PADI6: variants seen among roughly 807,000 people sequenced by gnomAD.
PADI6 encodes peptidyl arginine deiminase 6.
A neutral mutation model predicts 78.2 loss-of-function variants in PADI6; 66 were observed. The observed-to-expected ratio is 0.84, with a 90% CI of 0.69 to 1.04. The LOEUF is 1.04. Ranked by LOEUF, PADI6 falls within the 50% of genes least tolerant of loss-of-function variation. The pLI, the probability that PADI6 is intolerant of heterozygous loss-of-function variation, is 0.00. For missense variants in PADI6, 854 were observed against 866.1 expected (o/e 0.99, Z 0.18); for synonymous variants, 397 against 346.9 (o/e 1.14, Z -1.60).
rs1206227116 is a variant in PADI6 at position 17,394,062 on chromosome 1, T to C, written c.1162T>C (p.Phe388Leu). ...ACCTCAGGCCGCCGATCTCGATGAG[T>C]TCCCCATGAAGTACTCACTGGTGTG... ...DTPQAADLDEFPMKYSLSPGI... is the reference protein window; with the variant it reads ...DTPQAADLDELPMKYSLSPGI... Residue 388 changes from phenylalanine (F) to leucine (L), a missense_variant, in exon 10 of 16, where the codon TTC becomes CTC. Phe to Leu is a conservative substitution (Grantham distance 22). Transcript: ENST00000619609. The C allele has an allele frequency of 6.2e-7, 1 of 1,613,782 alleles. No individual in the cohort carries two copies. Among genetic ancestry groups the C allele is most frequent in the South Asian group, 1.1e-5 (1 of 91,068 alleles).
intron 6 of PADI6, among the ~76,000 whole-genome samples, chr1:17,383,943 G>A (rs1469159309): frequency 1.3e-5 from 2 of 152,174 alleles, no homozygotes; most frequent in African/African-American, 2.4e-5. Context: ...GAGGTCAGGA[G>A]TTCGAGACCA....
chr1:17,378,955 T>TTG (rs1553152240), intron 3 of PADI6, among the ~76,000 whole-genome samples: 7 of 136,762 alleles, frequency 5.1e-5, no homozygotes, highest in African/African-American at 9.1e-5. Flanking sequence ...GAATTTTTTT[T>TTG]GGGGGGGGGG....
At position 17,397,136 on chromosome 1, in the gene PADI6, G is replaced by C. The variant is rs914753698; in HGVS notation, c.1684G>C (p.Val562Leu). ...DESLKKQNEY[V>L]EKCIHLNRDI... Reference sequence around the variant, plus strand: ...AAGCCTGAAGAAGCAGAATGAATACGTGGAGGTAGGACCAGTGTGAAGGGG... The same window carrying C: ...AAGCCTGAAGAAGCAGAATGAATACCTGGAGGTAGGACCAGTGTGAAGGGG... The change falls in exon 14 of 16, where the codon GTG becomes CTG. Residue 562 changes from valine (V) to leucine (L), a missense_variant. By Grantham distance (32) the Val-to-Leu change is conservative. Transcript: ENST00000619609. The C allele has an allele frequency of 1.2e-6, 2 of 1,613,810 alleles. No homozygotes were observed. The highest frequency in any genetic ancestry group is 2.2e-5 in the East Asian group (1 of 44,882).
chr1:17,396,316 G>A (rs544140151), intron 13 of PADI6, among the ~76,000 whole-genome samples: 1 of 152,308 alleles, frequency 6.6e-6, no homozygotes, highest in African/African-American at 2.4e-5. Context: ...AACCTGGGAG[G>A]TGGAGGTTGC....
intron 6 of PADI6, among the ~76,000 whole-genome samples, chr1:17,382,436 A>T (rs1465722938): frequency 6.6e-6 from 1 of 152,084 alleles, no homozygotes. Flanking sequence ...TCTCCCAGTG[A>T]CTCCTCTCAG....
At chr1:17,384,653 C>G (rs1292911865) in intron 6 of PADI6, among the ~76,000 whole-genome samples, 4 of 151,644 alleles carry the variant, frequency 2.6e-5, no homozygotes, top group Non-Finnish European at 5.9e-5. Context: ...GCGGGAGGAT[C>G]ATGTGAACCC....
intron 8 of PADI6, among the ~76,000 whole-genome samples, chr1:17,391,339 C>T (rs2075181850): frequency 6.6e-6 from 1 of 152,206 alleles, no homozygotes; most frequent in Non-Finnish European, 1.5e-5. Flanking sequence ...CCTGCCTCAG[C>T]CTCCCGAGAA....
At chr1:17,398,475 T>C (rs747717369) in intron 14 of PADI6, among the ~76,000 whole-genome samples, 2 of 152,162 alleles carry the variant, frequency 1.3e-5, no homozygotes, top group Non-Finnish European at 2.9e-5. Flanking sequence ...GACTAGGCCA[T>C]TCCTGAGCCC....
intron 4 of PADI6, among the ~76,000 whole-genome samples, chr1:17,380,190 TTTTG>T (rs1462742039): frequency 6.6e-6 from 1 of 151,826 alleles, no homozygotes; most frequent in African/African-American, 2.4e-5. Context: ...TGGGGTATTT[TTTTG>T]TTTTTTTTTG....
intron 1 of PADI6, 45 bp downstream of exon 1, chr1:17,372,406 G>A (rs904847326): frequency 8.4e-6 from 13 of 1,552,382 alleles, no homozygotes; most frequent in Admixed American, 1.7e-5. Flanking sequence ...CAGACAGGCA[G>A]GCAGGCCTGG....
intron 3 of PADI6, among the ~76,000 whole-genome samples, chr1:17,378,793 C>T (rs940876344): frequency 3.3e-5 from 5 of 152,054 alleles, no homozygotes; most frequent in Admixed American, 2.6e-4. Context: ...TTCATAGAGA[C>T]AAGGTTTTGC....
At chr1:17,400,039 A>C (rs2075285789) in intron 15 of PADI6, among the ~76,000 whole-genome samples, 1 of 143,380 alleles carries the variant, frequency 7.0e-6, no homozygotes, top group Non-Finnish European at 1.5e-5. Context: ...TCCCAAAAAA[A>C]CAAACAAAAC....
chr1:17,391,219 TTTA>T (rs753910559), intron 8 of PADI6, among the ~76,000 whole-genome samples: 28 of 152,164 alleles, frequency 1.8e-4, no homozygotes, highest in African/African-American at 4.1e-4. Context: ...TTTAAGATAA[TTTA>T]TTATTTTTTC....
chr1:17,393,915 G>T, intron 9 of PADI6, 60 bp from the exon 10 acceptor site: 1 of 1,492,528 alleles, frequency 6.7e-7, no homozygotes, highest in Non-Finnish European at 9.3e-7. Context: ...TACCTTTTCC[G>T]TAAATGGGGT....
rs536417804 is a variant in PADI6 at position 17,393,373 on chromosome 1, C to T, written c.1075-602C>T. On this transcript the variant is annotated intron_variant, in intron 9 of 15. Transcript: ENST00000619609. ...GTAGGGAACAGATCTTAAGAGTAGG[C>T]AAGAATAGAAGCGAAACTGGAAGGC... Among the ~76,000 whole-genome samples, 3 of 152,204 alleles carry T rather than the reference C, an allele frequency of 2.0e-5. No individual in the cohort carries two copies. In the South Asian group the frequency reaches 6.2e-4, roughly 32 times the overall value.
At chr1:17,382,546 C>CCCAGCCACCACG (rs1553152688) in intron 6 of PADI6, among the ~76,000 whole-genome samples, 1 of 152,186 alleles carries the variant, frequency 6.6e-6, no homozygotes, top group African/African-American at 2.4e-5. Context: ...GCACCTGCAT[C>CCCAGCCACCACG]CCAGCCACCA....
chr1:17,389,195 G>A (rs1013153698), intron 8 of PADI6, among the ~76,000 whole-genome samples: 3 of 152,206 alleles, frequency 2.0e-5, no homozygotes, highest in Admixed American at 6.5e-5. Flanking sequence ...TCCCAGGGAC[G>A]ATGAAGCTCC....
At chr1:17,382,517 T>A (rs550639248) in intron 6 of PADI6, among the ~76,000 whole-genome samples, 1 of 152,328 alleles carries the variant, frequency 6.6e-6, no homozygotes, top group South Asian at 2.1e-4. Context: ...CCAAAACCTC[T>A]AGAGCGGCAG....
intron 10 of PADI6, 107 bp downstream of exon 10, chr1:17,394,189 G>C: frequency 6.7e-7 from 1 of 1,499,420 alleles, no homozygotes; most frequent in East Asian, 2.4e-5. Flanking sequence ...GGTGGCCTCT[G>C]AGGGGGGAGG....
Sources: gnomAD v4.1 joint callset for allele counts (sites outside exome capture counted in the v4.1 genomes callset) on GRCh38, gnomAD v4.1.1 for gene constraint, MANE v1.5 for transcripts, NCBI Gene and HGNC (gene_info 2026-07-23, HGNC 2026-07-21) for gene names.